The following CDKL5 variants were observed in gnomAD, a reference collection of about 807,000 sequenced individuals.
CDKL5 encodes cyclin dependent kinase like 5, also known as cyclin-dependent kinase-like 5.
A neutral mutation model predicts 61.7 loss-of-function variants in CDKL5; 8 were observed. The observed-to-expected ratio is 0.13, with a 90% confidence interval of 0.08 to 0.23. The LOEUF (loss-of-function observed/expected upper bound fraction) is 0.23. CDKL5 is among the 10% of genes least tolerant of loss of function. CDKL5 has a pLI of 1.00. For synonymous variants in CDKL5, 275 were observed against 272.3 expected, an observed-to-expected ratio of 1.01 and a Z score of -0.10; for missense variants, 440 against 734.5, an observed-to-expected ratio of 0.60 and a Z score of 4.63.
At chrX:18,623,832 A>G (rs1274114355) in intron 16 of CDKL5, 1 of 570,584 alleles carries the variant, frequency 1.8e-6, no homozygotes, top group African/African-American at 2.7e-5. Flanking sequence ...CAATAAGAGC[A>G]CTTTTTTTTT....
In CDKL5 at chrX:18,613,322, T is replaced by C. The variant is rs749515886; in HGVS notation, c.2276+47T>C. The C allele has an allele frequency of 7.9e-6, 9 of 1,134,933 alleles. No homozygotes were observed. The South Asian group carries it at 1.6e-4, about 21-fold the overall frequency. 93.5% of individuals were successfully genotyped at this position (1,134,933 alleles called of 1,213,427 possible). A position where few individuals can be genotyped will look rare whatever the true frequency, so the allele number is the denominator to read the frequency against. ...TACTCTTCCTTTTTTTAATTGTAGATTTAAGAGTTGAAATAAATTCTGGAT... is the reference window on the plus strand; with the variant it reads ...TACTCTTCCTTTTTTTAATTGTAGACTTAAGAGTTGAAATAAATTCTGGAT... On this transcript the variant is annotated intron_variant, in intron 15 of 17. Coordinates refer to ENST00000623535, the MANE Select transcript of CDKL5 (RefSeq NM_001323289.2).
intron 1 of CDKL5, among the ~76,000 whole-genome samples, chrX:18,442,005 A>G (rs1444035805): frequency 9.1e-6 from 1 of 109,667 alleles, no homozygotes; most frequent in Non-Finnish European, 1.9e-5. Context: ...TTGGGCCCCC[A>G]CCCCTCCTCC....
chrX:18,651,120 T>TC (rs113384176), intron 21 of CDKL5, among the ~76,000 whole-genome samples: 1 of 90,576 alleles, frequency 1.1e-5, no homozygotes, highest in Non-Finnish European at 2.2e-5. Context: ...ACCCTCCCCG[T>TC]CCCCCCACCA....
intron 15 of CDKL5, among the ~76,000 whole-genome samples, chrX:18,619,290 C>A (rs1926817259): frequency 9.1e-6 from 1 of 109,291 alleles, no homozygotes; most frequent in South Asian, 4.0e-4. Flanking sequence ...CTGCACCTGT[C>A]CCTACATTTT....
intron 15 of CDKL5, among the ~76,000 whole-genome samples, chrX:18,619,016 C>G (rs1460870828): frequency 9.0e-6 from 1 of 110,751 alleles, no homozygotes; most frequent in African/African-American, 3.3e-5. Context: ...CAACACTTAC[C>G]CATTTCATCA....
In CDKL5 at chrX:18,628,921, C is replaced by T. The variant is rs1277147559; in HGVS notation, c.*164C>T. ...TGTGTTGGGGCCGTTGAGCTCCTCGCGGCCACAAATGCTAGTCAGGGATCT... is the reference window on the plus strand; with the variant it reads ...TGTGTTGGGGCCGTTGAGCTCCTCGTGGCCACAAATGCTAGTCAGGGATCT... On this transcript the variant is annotated 3_prime_UTR_variant, in exon 18 of 18. Coordinates refer to ENST00000623535, the MANE Select transcript of CDKL5 (RefSeq NM_001323289.2). 10 of 1,052,233 alleles carry T rather than the reference C, an allele frequency of 9.5e-6. No individual in the cohort carries two copies. The highest frequency in any genetic ancestry group is 4.3e-5 in the Admixed American group (1 of 23,134). The allele number at this position is 1,052,233 out of a possible 1,213,427, so 86.7% of individuals were successfully genotyped here.
At chrX:18,622,647 C>G (rs915954956) in intron 16 of CDKL5, among the ~76,000 whole-genome samples, 8 of 112,276 alleles carry the variant, frequency 7.1e-5, no homozygotes, top group African/African-American at 2.6e-4. Context: ...CATGTTAAAG[C>G]TGAGGTGGAT....
chrX:18,430,408 A>G (rs910295212), intron 1 of CDKL5, among the ~76,000 whole-genome samples: 4 of 112,000 alleles, frequency 3.6e-5, no homozygotes, highest in African/African-American at 1.3e-4. Context: ...CCAGTGAAAT[A>G]AAATCTGGAG....
chrX:18,600,177 T>C (rs188396749), intron 11 of CDKL5, among the ~76,000 whole-genome samples: 1 of 112,292 alleles, frequency 8.9e-6, no homozygotes, highest in African/African-American at 3.2e-5. Context: ...ATCCATAAAC[T>C]GATGATGACC....
intron 3 of CDKL5, among the ~76,000 whole-genome samples, chrX:18,538,948 G>A (rs1444995578): frequency 9.0e-6 from 1 of 111,617 alleles, no homozygotes; most frequent in Non-Finnish European, 1.9e-5. Flanking sequence ...TTTCATCTTG[G>A]TTAACTTTTG....
intron 3 of CDKL5, among the ~76,000 whole-genome samples, chrX:18,558,155 G>A (rs1203608008): frequency 9.0e-6 from 1 of 111,107 alleles, no homozygotes; most frequent in Non-Finnish European, 1.9e-5. Context: ...AATTAAGGGT[G>A]AGGCATGGAA....
chrX:18,517,218 C>T (rs1424464827), intron 3 of CDKL5, among the ~76,000 whole-genome samples: 1 of 111,637 alleles, frequency 9.0e-6, no homozygotes, highest in African/African-American at 3.3e-5. Context: ...CCTCATTCCT[C>T]CTTTTTACAG....
intron 3 of CDKL5, among the ~76,000 whole-genome samples, chrX:18,518,690 C>T (rs1454679524): frequency 9.1e-6 from 1 of 109,792 alleles, no homozygotes; most frequent in African/African-American, 3.3e-5. Context: ...CGTGAGCCAT[C>T]GCCCCAGCCC....
chrX:18,578,848 C>T (rs182817983), intron 5 of CDKL5, among the ~76,000 whole-genome samples: 10 of 112,019 alleles, frequency 8.9e-5, no homozygotes, highest in African/African-American at 3.2e-4. Context: ...ATATTTTGTA[C>T]TGCTTCATCA....
intron 8 of CDKL5, chrX:18,587,685 G>A (rs760651950): frequency 1.4e-5 from 5 of 359,495 alleles, no homozygotes; most frequent in South Asian, 1.1e-4. Context: ...TTATTAAGCC[G>A]TTCACATTTA....
intron 14 of CDKL5, among the ~76,000 whole-genome samples, chrX:18,610,355 TATA>T (rs1020694200): frequency 3.6e-5 from 4 of 112,538 alleles, no homozygotes; most frequent in African/African-American, 1.3e-4. Flanking sequence ...TCCTCTTCAG[TATA>T]ATATCTTCCC....
intron 17 of CDKL5, 57 bp downstream of exon 17, chrX:18,625,304 G>A: frequency 8.5e-7 from 1 of 1,169,621 alleles, no homozygotes; most frequent in Non-Finnish European, 1.2e-6. Flanking sequence ...CTGTCCTGAG[G>A]AGCGGGGAGG....
Position 18,640,168 on chromosome X carries a change from A to T in CDKL5, c.*11411A>T, listed in dbSNP as rs767137401. On this transcript the variant is annotated 3_prime_UTR_variant, in exon 18 of 18. Coordinates refer to ENST00000623535, the MANE Select transcript of CDKL5 (RefSeq NM_001323289.2). ...AATTGTATGTGAACTTAATCTCAAT[A>T]AAGCCGTGACAAAAGTTTCCAACAT... 1.3e-4 allele frequency: 15 copies of T among 111,672 alleles called. No individual in the cohort carries two copies. In the East Asian group the frequency reaches 4.3e-3, roughly 32 times the overall value. The allele number at this position is 111,672 out of a possible 1,213,427, so 9.2% of individuals were successfully genotyped here.
intron 17 of CDKL5, chrX:18,627,368 G>A (rs549775645): frequency 8.9e-6 from 1 of 111,923 alleles, no homozygotes; most frequent in Non-Finnish European, 1.9e-5. Flanking sequence ...TACAGCAAAG[G>A]TACTCTGAGA....
Sources: allele counts gnomAD v4.1 joint callset (sites outside exome capture counted in the v4.1 genomes callset), GRCh38; gene constraint gnomAD v4.1.1; transcripts MANE v1.5; gene names NCBI Gene and HGNC (gene_info 2026-07-23, HGNC 2026-07-21).